The following CDH18 variants were observed in gnomAD, a reference collection of about 807,000 sequenced individuals.
The protein encoded by CDH18 is cadherin 18.
In CDH18, 31 loss-of-function variants were observed where a neutral mutation model predicts 67.9. The ratio of observed to expected loss-of-function variants is 0.46; its 90% confidence interval spans 0.34 to 0.62. The LOEUF is 0.62. Among genes scored for constraint, CDH18 ranks in the 20% least tolerant of loss-of-function variants. The probability of loss-of-function intolerance (pLI) is 0.01; values close to 1 mark genes in which losing one functional copy is unlikely to be tolerated. For missense variants in CDH18, 890 were observed against 975.5 expected (o/e 0.91, Z 1.17); for synonymous variants, 362 against 347.2 (o/e 1.04, Z -0.48).
At chr5:19,670,620 G>A (rs552222370) in intron 5 of CDH18, among the ~76,000 whole-genome samples, 8 of 152,206 alleles carry the variant, frequency 5.3e-5, no homozygotes, top group Admixed American at 3.3e-4. Context: ...ATGGCTGCGG[G>A]TGGAAATGGC....
chr5:20,541,430 T>C (rs938974413), intron 1 of CDH18, among the ~76,000 whole-genome samples: 4 of 151,770 alleles, frequency 2.6e-5, no homozygotes, highest in Non-Finnish European at 5.9e-5. Context: ...AGTCTTTAAA[T>C]AAATGTATTT....
At chr5:19,618,934 G>A (rs1750271063) in intron 5 of CDH18, among the ~76,000 whole-genome samples, 1 of 152,124 alleles carries the variant, frequency 6.6e-6, no homozygotes, top group African/African-American at 2.4e-5. Context: ...GCAGCAGTAA[G>A]TCTTCTCTTC....
intron 1 of CDH18, among the ~76,000 whole-genome samples, chr5:20,366,614 AC>A (rs1380731754): frequency 4.6e-5 from 7 of 152,244 alleles, no homozygotes; most frequent in Middle Eastern, 3.4e-3. Flanking sequence ...AAGCGGCTTT[AC>A]CTCTTAATGC....
chr5:19,489,224 C>CTGTTAGT lies in CDH18; in HGVS notation c.1631-5679_1631-5673dup, dbSNP rs1579750640. 2.0e-5 allele frequency among the ~76,000 whole-genome samples: 3 copies of CTGTTAGT among 149,984 alleles called. No homozygotes were observed. In the East Asian group the frequency reaches 5.9e-4, roughly 29 times the overall value. On this transcript the variant is annotated intron_variant, in intron 11 of 12. Transcript: ENST00000382275. ...ATCTCCGAGGAGATTAGTAATCAAT[C>CTGTTAGT]TGTTAGTGTTTGTTCTTTTTTTTTT...
intron 1 of CDH18, among the ~76,000 whole-genome samples, chr5:20,433,269 G>A (rs959818506): frequency 2.7e-5 from 4 of 150,336 alleles, no homozygotes; most frequent in Non-Finnish European, 5.9e-5. Flanking sequence ...GTGTGTGTGT[G>A]TGTATATTTA....
chr5:20,389,376 C>T (rs1207410255), intron 1 of CDH18, among the ~76,000 whole-genome samples: 1 of 152,094 alleles, frequency 6.6e-6, no homozygotes, highest in African/African-American at 2.4e-5. Flanking sequence ...TATTGCAACA[C>T]CTGCCTTTTT....
intron 2 of CDH18, among the ~76,000 whole-genome samples, chr5:19,892,149 G>T (rs1400245913): frequency 6.6e-6 from 1 of 152,090 alleles, no homozygotes; most frequent in Non-Finnish European, 1.5e-5. Context: ...AATAATTAAG[G>T]TTTAACTCTA....
chr5:20,068,072 A>G (rs1235496817), intron 2 of CDH18, among the ~76,000 whole-genome samples: 1 of 152,024 alleles, frequency 6.6e-6, no homozygotes, highest in Non-Finnish European at 1.5e-5. Context: ...CACACTTTCA[A>G]CGTGGACTCT....
At chr5:19,731,794 A>G (rs938080990) in intron 4 of CDH18, among the ~76,000 whole-genome samples, 5 of 152,212 alleles carry the variant, frequency 3.3e-5, no homozygotes, top group African/African-American at 1.2e-4. Flanking sequence ...TGTCACCATC[A>G]AGAATTAATG....
At chr5:19,751,978 A>G (rs1770909046) in intron 3 of CDH18, among the ~76,000 whole-genome samples, 2 of 152,084 alleles carry the variant, frequency 1.3e-5, no homozygotes, top group South Asian at 4.1e-4. Context: ...TTGCTCCTGC[A>G]GGGCCCCCAA....
intron 1 of CDH18, among the ~76,000 whole-genome samples, chr5:20,374,117 G>A (rs1024585592): frequency 2.0e-5 from 3 of 152,088 alleles, no homozygotes; most frequent in African/African-American, 7.2e-5. Flanking sequence ...AACCTAGAAA[G>A]GCCAAGTTCC....
chr5:20,349,396 C>A (rs2150054701), intron 1 of CDH18, among the ~76,000 whole-genome samples: 1 of 152,258 alleles, frequency 6.6e-6, no homozygotes, highest in African/African-American at 2.4e-5. Context: ...TCGGGAACCT[C>A]TGTCTTTTTT....
At chr5:20,464,314 G>A (rs1751482855) in intron 1 of CDH18, among the ~76,000 whole-genome samples, 2 of 152,140 alleles carry the variant, frequency 1.3e-5, no homozygotes, top group African/African-American at 4.8e-5. Flanking sequence ...CATGACAGTT[G>A]CATATGAGTG....
intron 2 of CDH18, among the ~76,000 whole-genome samples, chr5:20,136,688 G>C (rs938858460): frequency 6.6e-6 from 1 of 152,124 alleles, no homozygotes; most frequent in Admixed American, 6.6e-5. Context: ...TAGCATTGAT[G>C]ATTTTTACAA....
intron 5 of CDH18, among the ~76,000 whole-genome samples, chr5:19,683,280 C>A: frequency 6.6e-6 from 1 of 152,136 alleles, no homozygotes; most frequent in African/African-American, 2.4e-5. Flanking sequence ...AAAAACCATA[C>A]TGTAGTATTT....
intron 1 of CDH18, among the ~76,000 whole-genome samples, chr5:20,386,924 A>T (rs558226510): frequency 6.6e-6 from 1 of 152,220 alleles, no homozygotes; most frequent in African/African-American, 2.4e-5. Context: ...TGTATATATA[A>T]TCAACCTTAT....
intron 2 of CDH18, among the ~76,000 whole-genome samples, chr5:20,173,804 A>T (rs1737026201): frequency 6.6e-6 from 1 of 152,206 alleles, no homozygotes; most frequent in Non-Finnish European, 1.5e-5. Flanking sequence ...AAATAGGGTT[A>T]TAGATAGAAT....
chr5:20,202,766 A>G (rs1739553113), intron 2 of CDH18, among the ~76,000 whole-genome samples: 1 of 152,042 alleles, frequency 6.6e-6, no homozygotes, highest in Admixed American at 6.6e-5. Context: ...ACTTTAATGT[A>G]CATACTACAT....
At chr5:20,356,754 T>TATATAC (rs1554122672) in intron 1 of CDH18, among the ~76,000 whole-genome samples, 2 of 113,132 alleles carry the variant, frequency 1.8e-5, no homozygotes, top group African/African-American at 6.0e-5. Flanking sequence ...TCTCTCTCTC[T>TATATAC]ATATATATAT....
Sources: gnomAD v4.1 joint callset for allele counts (sites outside exome capture counted in the v4.1 genomes callset) on GRCh38, gnomAD v4.1.1 for gene constraint, MANE v1.5 for transcripts, NCBI Gene and HGNC (gene_info 2026-07-23, HGNC 2026-07-21) for gene names.